The following CPQ variants were observed in gnomAD, a reference collection of about 807,000 sequenced individuals.
The protein encoded by CPQ is Ser-Met dipeptidase.
Under a neutral mutation model 45.7 loss-of-function variants are expected in CPQ, and 37 were observed. That is an observed-to-expected ratio of 0.81 (90% CI 0.62 to 1.07). CPQ has a LOEUF of 1.07. Among genes scored for constraint, CPQ ranks in the 50% least tolerant of loss-of-function variants. The pLI is 0.00. For synonymous variants in CPQ, 186 were observed against 205.8 expected (o/e 0.90, Z 0.82); for missense variants, 537 against 572.9 (o/e 0.94, Z 0.64).
chr8:96,989,106 G>A (rs1267366763), intron 5 of CPQ, among the ~76,000 whole-genome samples: 1 of 152,198 alleles, frequency 6.6e-6, no homozygotes, highest in Non-Finnish European at 1.5e-5. Flanking sequence ...CCAGGAGGCA[G>A]AGGTGATTCC....
chr8:96,965,955 T>C lies in CPQ; in HGVS notation c.870T>C (p.His290=). 6.2e-7 allele frequency: 1 copy of C among 1,613,560 alleles called. No homozygotes were observed. The highest frequency in any genetic ancestry group is 1.3e-5 in the African/African-American group (1 of 74,998). The change falls in exon 5 of 8, where the codon CAT becomes CAC. Residue 290 remains histidine, a synonymous_variant. Coordinates refer to ENST00000220763, the MANE Select transcript of CPQ (RefSeq NM_016134.4). ...YPEQVVLVSG[H]LDSWDVGQGA... is the part of the protein sequence containing the mutation. ...TCTAGGTTGTACTGGTCAGTGGACA[T>C]CTGGACAGCTGGGATGTTGGGCAGG...
At chr8:96,698,017 T>C (rs1259490301) in intron 1 of CPQ, among the ~76,000 whole-genome samples, 1 of 151,966 alleles carries the variant, frequency 6.6e-6, no homozygotes, top group Non-Finnish European at 1.5e-5. Flanking sequence ...AAAATTAATA[T>C]GGAACCACTA....
At chr8:96,882,662 G>A (rs1353650739) in intron 4 of CPQ, among the ~76,000 whole-genome samples, 1 of 152,154 alleles carries the variant, frequency 6.6e-6, no homozygotes, top group Non-Finnish European at 1.5e-5. Context: ...AGAGCCAGAG[G>A]GCTGAGATAG....
chr8:97,097,072 G>T (rs1486540808), intron 7 of CPQ, among the ~76,000 whole-genome samples: 1 of 152,184 alleles, frequency 6.6e-6, no homozygotes, highest in Non-Finnish European at 1.5e-5. Flanking sequence ...AAACTATAGA[G>T]TTGTGCTGCT....
chr8:96,712,292 G>A (rs879451018), intron 1 of CPQ, among the ~76,000 whole-genome samples: 1 of 152,116 alleles, frequency 6.6e-6, no homozygotes, highest in Non-Finnish European at 1.5e-5. Context: ...GTAAGCTGTT[G>A]GTGAATCTAG....
At chr8:96,744,672 A>G (rs1156779161) in intron 1 of CPQ, among the ~76,000 whole-genome samples, 2 of 152,196 alleles carry the variant, frequency 1.3e-5, no homozygotes, top group Non-Finnish European at 2.9e-5. Context: ...TAAATTTGAC[A>G]TTAAATTTTT....
intron 6 of CPQ, among the ~76,000 whole-genome samples, chr8:97,036,178 C>T (rs1024181739): frequency 6.6e-6 from 1 of 151,966 alleles, no homozygotes; most frequent in African/African-American, 2.4e-5. Context: ...TGCTCATAAC[C>T]ACGGCCGACT....
At chr8:96,691,579 A>T (rs929477496) in intron 1 of CPQ, among the ~76,000 whole-genome samples, 2 of 152,178 alleles carry the variant, frequency 1.3e-5, no homozygotes, top group African/African-American at 4.8e-5. Context: ...GTTTCAGAGT[A>T]TTGACTATCT....
At chr8:96,740,679 T>C (rs1392379004) in intron 1 of CPQ, among the ~76,000 whole-genome samples, 1 of 152,058 alleles carries the variant, frequency 6.6e-6, no homozygotes, top group Non-Finnish European at 1.5e-5. Context: ...TGAAGGGTTG[T>C]TGAATTTTGT....
At chr8:96,795,329 G>C (rs1365645497) in intron 2 of CPQ, among the ~76,000 whole-genome samples, 1 of 152,110 alleles carries the variant, frequency 6.6e-6, no homozygotes, top group Non-Finnish European at 1.5e-5. Flanking sequence ...GATCTTGTGA[G>C]ACTTTTTCAC....
At chr8:96,833,426 G>T (rs980046974) in intron 2 of CPQ, among the ~76,000 whole-genome samples, 10 of 152,092 alleles carry the variant, frequency 6.6e-5, no homozygotes, top group African/African-American at 2.4e-4. Context: ...CATTTCTAGT[G>T]GCTCCAATCC....
At chr8:96,941,934 T>C (rs570213196) in intron 4 of CPQ, among the ~76,000 whole-genome samples, 1 of 152,300 alleles carries the variant, frequency 6.6e-6, no homozygotes, top group African/African-American at 2.4e-5. Flanking sequence ...GATAGAGTGA[T>C]AATAAGGCAG....
intron 7 of CPQ, among the ~76,000 whole-genome samples, chr8:97,088,839 A>T (rs1386715437): frequency 6.6e-6 from 1 of 152,218 alleles, no homozygotes; most frequent in Non-Finnish European, 1.5e-5. Context: ...AGCTCAATTA[A>T]AACTACCACA....
chr8:96,983,868 G>C (rs1586479933), intron 5 of CPQ, among the ~76,000 whole-genome samples: 1 of 149,292 alleles, frequency 6.7e-6, no homozygotes, highest in East Asian at 2.0e-4. Flanking sequence ...ACTTACCTCG[G>C]TTGTTGTGTT....
intron 4 of CPQ, among the ~76,000 whole-genome samples, chr8:96,935,138 G>A (rs1281518734): frequency 1.3e-5 from 2 of 152,118 alleles, no homozygotes; most frequent in Non-Finnish European, 2.9e-5. Context: ...TCCTTCACAA[G>A]GCTTAACTTT....
At chr8:96,939,532 ATATAT>A (rs925307346) in intron 4 of CPQ, among the ~76,000 whole-genome samples, 1 of 152,180 alleles carries the variant, frequency 6.6e-6, no homozygotes, top group African/African-American at 2.4e-5. Context: ...TGTTGAAACA[ATATAT>A]TATATAGTTA....
At chr8:96,923,804 AG>A (rs1319261852) in intron 4 of CPQ, among the ~76,000 whole-genome samples, 1 of 152,162 alleles carries the variant, frequency 6.6e-6, no homozygotes, top group Admixed American at 6.5e-5. Flanking sequence ...AGGAGAGGAA[AG>A]GGGGAAAAAA....
chr8:96,802,303 A>C (rs900078298), intron 2 of CPQ, among the ~76,000 whole-genome samples: 1 of 152,182 alleles, frequency 6.6e-6, no homozygotes, highest in Non-Finnish European at 1.5e-5. Flanking sequence ...TTTCTTTGAC[A>C]GGCTCATTGT....
At chr8:96,820,250 A>T (rs2130836134) in intron 2 of CPQ, among the ~76,000 whole-genome samples, 1 of 152,120 alleles carries the variant, frequency 6.6e-6, no homozygotes, top group Admixed American at 6.6e-5. Flanking sequence ...AGCAGCAGTG[A>T]TTTCACCATT....
Sources: allele counts gnomAD v4.1 joint callset (sites outside exome capture counted in the v4.1 genomes callset), GRCh38; gene constraint gnomAD v4.1.1; transcripts MANE v1.5; gene names NCBI Gene and HGNC (gene_info 2026-07-23, HGNC 2026-07-21).